Variants in ANXA8 observed in about 807,000 individuals in gnomAD.
The protein encoded by ANXA8 is VAC-beta.
In ANXA8, 9 loss-of-function variants were observed where a neutral mutation model predicts 26.8. The observed-to-expected ratio is 0.34, with a 90% CI of 0.20 to 0.59. ANXA8 has a LOEUF of 0.59. ANXA8 is among the 20% of genes least tolerant of loss of function. ANXA8 has a pLI of 0.84. For missense variants in ANXA8, 83 were observed against 238.5 expected (o/e 0.35, Z 4.29); for synonymous variants, 39 against 94.8 (o/e 0.41, Z 3.42).
At chr10:47,574,499 CAA>C in the ANXA8 span, among the ~76,000 whole-genome samples, 1 of 108,414 alleles carries the variant, frequency 9.2e-6, no homozygotes, top group East Asian at 2.5e-4. Flanking sequence ...AAGTTATAAA[CAA>C]TATATATATG....
chr10:47,657,551 G>A, the ANXA8 span, among the ~76,000 whole-genome samples: 1 of 151,618 alleles, frequency 6.6e-6, no homozygotes, highest in African/African-American at 2.4e-5. Context: ...CTAAAAAGAT[G>A]AGGATAATAT....
At chr10:47,938,694 G>C in the ANXA8 span, among the ~76,000 whole-genome samples, 1 of 146,258 alleles carries the variant, frequency 6.8e-6, no homozygotes, top group Non-Finnish European at 1.5e-5. Flanking sequence ...AATTTTCCAC[G>C]GGGCTCTGGG....
the ANXA8 span, among the ~76,000 whole-genome samples, chr10:47,593,746 T>C: frequency 1.4e-5 from 2 of 147,862 alleles, no homozygotes; most frequent in Non-Finnish European, 2.9e-5. Context: ...ATAAAAGCCC[T>C]GTGATGGTTA....
At chr10:47,644,676 T>TAA in the ANXA8 span, among the ~76,000 whole-genome samples, 24 of 151,850 alleles carry the variant, frequency 1.6e-4, no homozygotes, top group Admixed American at 1.2e-3. Flanking sequence ...GTCTTTCCTA[T>TAA]TTAGTTTTAT....
chr10:47,726,552 T>C, the ANXA8 span, among the ~76,000 whole-genome samples: 2 of 152,390 alleles, frequency 1.3e-5, no homozygotes, highest in South Asian at 4.1e-4. Flanking sequence ...ATTTTTATTT[T>C]CATTTCTAAA....
the ANXA8 span, among the ~76,000 whole-genome samples, chr10:47,698,707 T>C: frequency 2.6e-5 from 4 of 152,196 alleles, no homozygotes; most frequent in African/African-American, 9.7e-5. Context: ...CCAGGTGTAG[T>C]GGTGCACACC....
the ANXA8 span, among the ~76,000 whole-genome samples, chr10:47,982,428 T>C: frequency 7.0e-4 from 105 of 150,292 alleles, 2 homozygotes; most frequent in East Asian, 0.019. Flanking sequence ...ACATTTATGG[T>C]TAACTGATTT....
At chr10:47,672,446 A>G in the ANXA8 span, among the ~76,000 whole-genome samples, 1 of 151,732 alleles carries the variant, frequency 6.6e-6, no homozygotes, top group Non-Finnish European at 1.5e-5. Flanking sequence ...TTTCTTTTAT[A>G]ATATGCAACA....
the ANXA8 span, among the ~76,000 whole-genome samples, chr10:47,940,163 A>G: frequency 2.1e-4 from 31 of 150,712 alleles, no homozygotes; most frequent in African/African-American, 6.6e-4. Flanking sequence ...CCTGTTGGGC[A>G]CTTAGGGAAT....
chr10:47,682,493 G>A, the ANXA8 span, among the ~76,000 whole-genome samples: 12 of 121,392 alleles, frequency 9.9e-5, no homozygotes, highest in East Asian at 4.5e-4. Flanking sequence ...TTTTTGTGAC[G>A]GAGTCTCGCT....
chr10:47,755,423 T>A, the ANXA8 span, among the ~76,000 whole-genome samples: 1 of 152,036 alleles, frequency 6.6e-6, no homozygotes, highest in African/African-American at 2.4e-5. Context: ...ACCCAGCTAA[T>A]TTTTTGTATT....
chr10:47,749,129 G>C, the ANXA8 span, among the ~76,000 whole-genome samples: 1 of 84,924 alleles, frequency 1.2e-5, no homozygotes, highest in Admixed American at 1.5e-4. Flanking sequence ...CGCTACTCGG[G>C]AGGCTGAGGT....
At chr10:47,676,090 A>G in the ANXA8 span, among the ~76,000 whole-genome samples, 298 of 151,804 alleles carry the variant, frequency 2.0e-3, 1 homozygote, top group African/African-American at 6.8e-3. Flanking sequence ...GTTTATGGAC[A>G]TAGCAGAAGA....
chr10:47,643,564 CTT>C, the ANXA8 span, among the ~76,000 whole-genome samples: 1 of 148,368 alleles, frequency 6.7e-6, no homozygotes, highest in African/African-American at 2.6e-5. Flanking sequence ...ATCAATAAAA[CTT>C]TTTAAAAAGT....
the ANXA8 span, among the ~76,000 whole-genome samples, chr10:47,701,870 C>T: frequency 4.4e-3 from 659 of 150,940 alleles, 6 homozygotes; most frequent in African/African-American, 0.014. Flanking sequence ...AATAACTACA[C>T]AGAAGGGGGT....
chr10:47,660,789 G>T, the ANXA8 span, among the ~76,000 whole-genome samples: 20 of 106,188 alleles, frequency 1.9e-4, no homozygotes, highest in African/African-American at 2.7e-4. Context: ...TTTCCATGTT[G>T]TCTTTCTCCA....
At chr10:47,749,654 G>GTTT in the ANXA8 span, among the ~76,000 whole-genome samples, 1 of 150,036 alleles carries the variant, frequency 6.7e-6, no homozygotes, top group African/African-American at 2.5e-5. Context: ...AAAAGAATGT[G>GTTT]TAAGTAAAAC....
the ANXA8 span, among the ~76,000 whole-genome samples, chr10:47,952,083 AT>A: frequency 6.6e-6 from 1 of 150,806 alleles, no homozygotes; most frequent in Non-Finnish European, 1.5e-5. Context: ...TTTTAAAAAA[AT>A]AAAATCCTCT....
the ANXA8 span, among the ~76,000 whole-genome samples, chr10:47,498,165 A>G: frequency 6.7e-6 from 1 of 150,068 alleles, no homozygotes; most frequent in African/African-American, 2.4e-5. Flanking sequence ...TCCCTTCCCC[A>G]TGTCCCTGGC....
Sources: gnomAD v4.1 joint callset for allele counts (sites outside exome capture counted in the v4.1 genomes callset) on GRCh38, gnomAD v4.1.1 for gene constraint, MANE v1.5 for transcripts, NCBI Gene and HGNC (gene_info 2026-07-23, HGNC 2026-07-21) for gene names.